ATG7: variants seen among roughly 807,000 people sequenced by gnomAD.
The protein encoded by ATG7 is ubiquitin-like modifier-activating enzyme ATG7.
Under a neutral mutation model 82.4 loss-of-function variants are expected in ATG7, and 70 were observed. The ratio of observed to expected loss-of-function variants is 0.85; its 90% CI spans 0.70 to 1.04. The LOEUF is 1.04. Ranked by LOEUF, ATG7 falls within the 50% of genes least tolerant of loss-of-function variation. ATG7 has a pLI of 0.00. For synonymous variants in ATG7, 287 were observed against 313.0 expected (o/e 0.92, Z 0.88); for missense variants, 792 against 864.3 (o/e 0.92, Z 1.05).
intron 9 of ATG7, among the ~76,000 whole-genome samples, chr3:11,327,650 A>G (rs1951067092): frequency 6.6e-6 from 1 of 152,156 alleles, no homozygotes; most frequent in Non-Finnish European, 1.5e-5. Flanking sequence ...AATGACCAGT[A>G]CTCAAGCCAG....
chr3:11,515,391 C>A lies in ATG7; in HGVS notation c.2080-39420C>A, dbSNP rs187465548. On this transcript the variant is annotated intron_variant, in intron 20 of 20. Transcript: ENST00000693202. ...CGATCTTGGCTCACTGCAACCTCCA[C>A]CTCCCCGGTTCAAGCGATTGTCCTG... Among the ~76,000 whole-genome samples, 496 of 152,214 alleles carry A rather than the reference C, an allele frequency of 3.3e-3. 2 individuals are homozygous for A. The highest frequency in any genetic ancestry group is 0.01 in the African/African-American group (430 of 41,524).
chr3:11,537,918 C>G (rs935383136), intron 20 of ATG7, among the ~76,000 whole-genome samples: 1 of 151,990 alleles, frequency 6.6e-6, no homozygotes, highest in Non-Finnish European at 1.5e-5. Context: ...TGCCCCAAGT[C>G]CAGTGCTGTT....
At chr3:11,408,663 A>T (rs1183508670) in intron 19 of ATG7, among the ~76,000 whole-genome samples, 1 of 152,208 alleles carries the variant, frequency 6.6e-6, no homozygotes, top group Non-Finnish European at 1.5e-5. Flanking sequence ...CATGGATGGC[A>T]GCGGGCAAAG....
At chr3:11,393,530 TTA>T (rs2078981581) in intron 19 of ATG7, among the ~76,000 whole-genome samples, 1 of 152,206 alleles carries the variant, frequency 6.6e-6, no homozygotes, top group Non-Finnish European at 1.5e-5. Flanking sequence ...CCTGGAAATA[TTA>T]TGTCTTGTAT....
chr3:11,319,036 C>A (rs1405531659), intron 9 of ATG7, among the ~76,000 whole-genome samples: 2 of 152,192 alleles, frequency 1.3e-5, no homozygotes, highest in Non-Finnish European at 2.9e-5. Flanking sequence ...TCTTGTTTGT[C>A]CCCACTCTGC....
chr3:11,312,354 C>T (rs373042796), intron 7 of ATG7, among the ~76,000 whole-genome samples: 1 of 152,132 alleles, frequency 6.6e-6, no homozygotes, highest in Non-Finnish European at 1.5e-5. Context: ...TAATTAAGGC[C>T]CCAAAAGCTG....
intron 20 of ATG7, among the ~76,000 whole-genome samples, chr3:11,524,708 G>A (rs1365515672): frequency 6.6e-6 from 1 of 152,112 alleles, no homozygotes; most frequent in Non-Finnish European, 1.5e-5. Context: ...GACCAGTTGA[G>A]CCCACAAGTT....
chr3:11,501,138 C>T (rs2091289990), intron 20 of ATG7, among the ~76,000 whole-genome samples: 1 of 152,234 alleles, frequency 6.6e-6, no homozygotes, highest in African/African-American at 2.4e-5. Context: ...CCTGTAGTCC[C>T]AGCTACCTGG....
Position 11,336,112 on chromosome 3 carries a change from T to C in ATG7, c.889+3019T>C, listed in dbSNP as rs116689724. On this transcript the variant is annotated intron_variant, in intron 11 of 20. Transcript: ENST00000693202. ...TGGAGTGCAGTGGCAGGATCTCAGC[T>C]TACTGCAATCCTGGGTTCAAAAGCA... is the stretch of plus-strand genomic sequence containing the variant. Among the ~76,000 whole-genome samples, 369 of 150,342 alleles carry C rather than the reference T, an allele frequency of 2.5e-3. 4 individuals carry two copies. The highest frequency in any genetic ancestry group is 8.7e-3 in the African/African-American group (355 of 40,772).
chr3:11,371,028 A>G (rs896752749), intron 18 of ATG7, among the ~76,000 whole-genome samples: 5 of 150,838 alleles, frequency 3.3e-5, no homozygotes, highest in African/African-American at 4.9e-5. Flanking sequence ...CTATGTTCCT[A>G]TTTGGAGATC....
chr3:11,545,575 G>A (rs754405304), intron 20 of ATG7, among the ~76,000 whole-genome samples: 2 of 152,110 alleles, frequency 1.3e-5, no homozygotes, highest in Non-Finnish European at 2.9e-5. Context: ...AGGACTTCAC[G>A]GACCAAGCCC....
chr3:11,537,117 C>T (rs9811482), intron 20 of ATG7, among the ~76,000 whole-genome samples: 31,403 of 151,966 alleles, frequency 0.21, 3,448 homozygotes, highest in Middle Eastern at 0.27. Flanking sequence ...GTCAGCCCCC[C>T]GGAGCCCCTG....
At chr3:11,532,231 C>A (rs2092707028) in intron 20 of ATG7, among the ~76,000 whole-genome samples, 1 of 152,178 alleles carries the variant, frequency 6.6e-6, no homozygotes, top group South Asian at 2.1e-4. Context: ...ATGCAATGCA[C>A]CACATGAGAT....
intron 19 of ATG7, among the ~76,000 whole-genome samples, chr3:11,381,545 C>T (rs2077900071): frequency 6.6e-6 from 1 of 152,230 alleles, no homozygotes; most frequent in Admixed American, 6.5e-5. Flanking sequence ...AGCATACCAT[C>T]TAACTGGGCG....
intron 14 of ATG7, among the ~76,000 whole-genome samples, chr3:11,349,306 A>C (rs1460458902): frequency 3.9e-5 from 6 of 152,198 alleles, no homozygotes; most frequent in African/African-American, 1.4e-4. Flanking sequence ...TGGGAGGCTA[A>C]GGCAGGAGGC....
the ATG7 span, among the ~76,000 whole-genome samples, chr3:11,567,077 A>AG: frequency 2.8e-4 from 43 of 152,188 alleles, no homozygotes; most frequent in African/African-American, 1.0e-3. Context: ...GAAGCACCAG[A>AG]GGGGGCCTGA....
intron 9 of ATG7, among the ~76,000 whole-genome samples, chr3:11,321,835 T>G (rs773805642): frequency 1.3e-5 from 2 of 152,194 alleles, no homozygotes; most frequent in Admixed American, 1.3e-4. Context: ...TCTTAGAATG[T>G]TTTTCAGTTT....
intron 18 of ATG7, among the ~76,000 whole-genome samples, chr3:11,365,578 C>T (rs960883305): frequency 2.0e-5 from 3 of 152,112 alleles, no homozygotes; most frequent in Admixed American, 6.5e-5. Flanking sequence ...TCAGTGAAAT[C>T]GTGATGGTGC....
At chr3:11,421,908 C>G (rs1344431465) in intron 19 of ATG7, among the ~76,000 whole-genome samples, 2 of 152,292 alleles carry the variant, frequency 1.3e-5, no homozygotes, top group East Asian at 3.9e-4. Flanking sequence ...CCTGGGTGAC[C>G]AGGTGCATTG....
Sources: gnomAD v4.1 joint callset for allele counts (sites outside exome capture counted in the v4.1 genomes callset) on GRCh38, gnomAD v4.1.1 for gene constraint, MANE v1.5 for transcripts, NCBI Gene and HGNC (gene_info 2026-07-23, HGNC 2026-07-21) for gene names.